ULK4: variants seen among roughly 807,000 people sequenced by gnomAD.
ULK4 encodes the protein inactive serine/threonine-protein kinase ULK4.
Under a neutral mutation model 160.6 loss-of-function variants are expected in ULK4, and 133 were observed. The observed-to-expected ratio is 0.83, with a 90% CI of 0.72 to 0.96. ULK4 has a LOEUF of 0.96. ULK4 is among the 40% of genes least tolerant of loss of function. The probability of loss-of-function intolerance (pLI) is 0.00; values close to 1 mark genes in which losing one functional copy is unlikely to be tolerated. For missense variants in ULK4, 1,580 were observed against 1,499.5 expected (o/e 1.05, Z -0.89); for synonymous variants, 534 against 539.8 (o/e 0.99, Z 0.15).
chr3:41,757,072 C>A (rs1438396038), intron 21 of ULK4, among the ~76,000 whole-genome samples: 1 of 151,940 alleles, frequency 6.6e-6, no homozygotes, highest in Non-Finnish European at 1.5e-5. Flanking sequence ...AGAGTATTTG[C>A]AGCACATTTT....
At chr3:41,397,517 C>T (rs146276262) in intron 35 of ULK4, among the ~76,000 whole-genome samples, 4 of 152,178 alleles carry the variant, frequency 2.6e-5, no homozygotes, top group Admixed American at 1.3e-4. Context: ...CAAACCTAAT[C>T]GTGAAGAAAC....
At chr3:41,788,231 A>G (rs1414788961) in intron 21 of ULK4, among the ~76,000 whole-genome samples, 2 of 152,220 alleles carry the variant, frequency 1.3e-5, no homozygotes, top group African/African-American at 2.4e-5. Flanking sequence ...AGAGTTATTC[A>G]TAATAGTTAC....
chr3:41,929,995 T>G (rs1699532100), intron 5 of ULK4, among the ~76,000 whole-genome samples: 1 of 152,050 alleles, frequency 6.6e-6, no homozygotes, highest in Non-Finnish European at 1.5e-5. Context: ...TACTTTAAAT[T>G]TCATATGGAA....
chr3:41,315,545 A>G lies in ULK4; in HGVS notation c.3679-65971T>C, dbSNP rs542731104. Among the ~76,000 whole-genome samples, 3 of 152,328 alleles carry G rather than the reference A, an allele frequency of 2.0e-5. No homozygotes were observed. The South Asian group carries it at 6.2e-4, about 32-fold the overall frequency. ...AAGCGCATACAGCAAATGAAGAAAT[A>G]TTTATTCAAGAAAATCTACTAAAAC... On this transcript the variant is annotated intron_variant, in intron 35 of 36. Coordinates refer to ENST00000301831, the MANE Select transcript of ULK4 (RefSeq NM_017886.4).
chr3:41,489,082 C>A (rs928854399), intron 32 of ULK4, among the ~76,000 whole-genome samples: 2 of 152,082 alleles, frequency 1.3e-5, no homozygotes, highest in African/African-American at 4.8e-5. Flanking sequence ...ATGTAAGTTT[C>A]CTTCAACTCT....
At chr3:41,572,727 C>G (rs1226293191) in intron 31 of ULK4, among the ~76,000 whole-genome samples, 2 of 148,846 alleles carry the variant, frequency 1.3e-5, no homozygotes, top group African/African-American at 5.0e-5. Flanking sequence ...GATCGCGCCA[C>G]TGCACTCCAG....
intron 17 of ULK4, among the ~76,000 whole-genome samples, chr3:41,869,567 G>A (rs371187072): frequency 2.6e-5 from 4 of 152,202 alleles, no homozygotes; most frequent in East Asian, 1.9e-4. Flanking sequence ...GTGACCGGGT[G>A]AGACTCTGTC....
Position 41,938,201 on chromosome 3 carries a change from T to G in ULK4, c.139-4A>C. The G allele has an allele frequency of 6.2e-7, 1 of 1,608,924 alleles. No homozygotes were observed. The highest frequency in any genetic ancestry group is 8.5e-7 in the Non-Finnish European group (1 of 1,177,680). On this transcript the variant is annotated splice_polypyrimidine_tract_variant and splice_region_variant and intron_variant, in intron 2 of 36. Transcript: ENST00000301831. Reference sequence around the variant, plus strand: ...TTATTTCACGGGTGAGACGGACCTATAAAAACACAGAGCAATCACTCTAAA... The same window carrying G: ...TTATTTCACGGGTGAGACGGACCTAGAAAAACACAGAGCAATCACTCTAAA...
intron 31 of ULK4, among the ~76,000 whole-genome samples, chr3:41,592,680 CTG>C (rs1316369061): frequency 1.2e-4 from 18 of 152,162 alleles, no homozygotes; most frequent in African/African-American, 4.3e-4. Context: ...CTTTAGTACA[CTG>C]TAATTTAAAA....
chr3:41,526,889 CA>C (rs1056028555), intron 32 of ULK4, among the ~76,000 whole-genome samples: 15 of 149,446 alleles, frequency 1.0e-4, no homozygotes, highest in Middle Eastern at 3.4e-3. Context: ...ATAAAAGTGA[CA>C]TTTTTTTTTC....
chr3:41,637,139 G>A (rs59627731), intron 30 of ULK4, among the ~76,000 whole-genome samples: 9,321 of 152,066 alleles, frequency 0.061, 968 homozygotes, highest in African/African-American at 0.21. Context: ...GTAGTCACCA[G>A]GTTGGACATT....
intron 18 of ULK4, among the ~76,000 whole-genome samples, chr3:41,830,715 G>T (rs550162471): frequency 2.0e-5 from 3 of 152,098 alleles, no homozygotes; most frequent in East Asian, 1.9e-4. Context: ...AAAGCAACTG[G>T]TTTTATTTTG....
chr3:41,937,768 T>A (rs970417863), intron 3 of ULK4: 1 of 200,628 alleles, frequency 5.0e-6, no homozygotes, highest in African/African-American at 2.3e-5. Context: ...AGATACTTTA[T>A]AAATTTATTA....
chr3:41,878,325 G>A (rs1697385320), intron 17 of ULK4, among the ~76,000 whole-genome samples: 1 of 152,124 alleles, frequency 6.6e-6, no homozygotes, highest in Non-Finnish European at 1.5e-5. Flanking sequence ...ATGAAACAAT[G>A]TAAGCATCAA....
intron 30 of ULK4, among the ~76,000 whole-genome samples, chr3:41,649,316 G>A (rs1264732566): frequency 6.6e-6 from 1 of 152,154 alleles, no homozygotes; most frequent in Non-Finnish European, 1.5e-5. Context: ...ACTCTGTGGG[G>A]CCAGCAAGAG....
At chr3:41,453,711 T>C (rs1231917109) in intron 34 of ULK4, among the ~76,000 whole-genome samples, 1 of 152,188 alleles carries the variant, frequency 6.6e-6, no homozygotes, top group Non-Finnish European at 1.5e-5. Flanking sequence ...GAACTCTGCA[T>C]GCAATACGGT....
At chr3:41,327,281 GA>G (rs762133884) in intron 35 of ULK4, among the ~76,000 whole-genome samples, 5 of 152,078 alleles carry the variant, frequency 3.3e-5, no homozygotes, top group Non-Finnish European at 7.3e-5. Context: ...GTACTTTCAG[GA>G]GCAAATTACA....
In ULK4 at chr3:41,546,547, G is replaced by A. The variant is rs148149591; in HGVS notation, c.3226+19478C>T. ...GTACCCCACATCTGTGAGGCCTAAC[G>A]TAATCTTGCTCTGTGAAAGTATAGC... On this transcript the variant is annotated intron_variant, in intron 32 of 36. Transcript: ENST00000301831. 9.6e-4 allele frequency among the ~76,000 whole-genome samples: 146 copies of A among 152,122 alleles called. 1 individual carries two copies. The highest frequency in any genetic ancestry group is 3.3e-3 in the African/African-American group (137 of 41,474).
At position 41,715,120 on chromosome 3, in the gene ULK4, T is replaced by A; in HGVS notation, c.2634+117A>T. The A allele has an allele frequency of 1.7e-5, 18 of 1,051,318 alleles. No homozygotes were observed. In the South Asian group the frequency reaches 2.7e-4, roughly 16 times the overall value. The allele number at this position is 1,051,318 out of a possible 1,614,324, so 65.1% of individuals were successfully genotyped here. A position where few individuals can be genotyped will look rare whatever the true frequency, so the allele number is the denominator to read the frequency against. ...TAAAAATATTAAAAGGTCACTTCCC[T>A]AGAGACAAATAAATACCAACAGGAT... On this transcript the variant is annotated intron_variant, in intron 25 of 36. Coordinates refer to ENST00000301831, the MANE Select transcript of ULK4 (RefSeq NM_017886.4).
Sources: allele counts gnomAD v4.1 joint callset (sites outside exome capture counted in the v4.1 genomes callset), GRCh38; gene constraint gnomAD v4.1.1; transcripts MANE v1.5; gene names NCBI Gene and HGNC (gene_info 2026-07-23, HGNC 2026-07-21).